SLC36A2: variants seen among roughly 807,000 people sequenced by gnomAD.
SLC36A2 encodes the protein solute carrier family 36 member 2.
A neutral mutation model predicts 42.7 loss-of-function variants in SLC36A2; 39 were observed. The ratio of observed to expected loss-of-function variants is 0.91; its 90% CI spans 0.71 to 1.19. The LOEUF (loss-of-function observed/expected upper bound fraction) is 1.19, where lower values mean the gene tolerates loss of function less well. Among genes scored for constraint, SLC36A2 ranks in the 50% most tolerant of loss-of-function variants. The pLI is 0.00. For missense variants in SLC36A2, 590 were observed against 613.7 expected (o/e 0.96, Z 0.41); for synonymous variants, 237 against 240.8 (o/e 0.98, Z 0.15).
rs1447857130 is a variant in SLC36A2 at position 151,335,309 on chromosome 5, G to T, written c.744+20C>A. On this transcript the variant is annotated intron_variant, in intron 6 of 9. Transcript: ENST00000335244. Reference sequence around the variant, plus strand: ...AAAACCCTGCCCAGTGGAGTGGGCAGGTGCATGGTGTGCACTCACCTGGGT... The same window carrying T: ...AAAACCCTGCCCAGTGGAGTGGGCATGTGCATGGTGTGCACTCACCTGGGT... The T allele has an allele frequency of 6.3e-7, 1 of 1,589,430 alleles. No individual in the cohort carries two copies. The highest frequency in any genetic ancestry group is 1.7e-5 in the Admixed American group (1 of 57,428).
Position 151,316,890 on chromosome 5 carries a change from T to G in SLC36A2, c.1379A>C (p.Tyr460Ser), listed in dbSNP as rs745630698. The change falls in exon 10 of 10, where the codon TAC becomes TCC. Residue 460 changes from tyrosine (Y) to serine (S), a missense_variant. Physicochemically the swap from Tyr to Ser is moderately radical, Grantham distance 144. Coordinates refer to ENST00000335244, the MANE Select transcript of SLC36A2 (RefSeq NM_181776.3). ...LGFVGFVVGT[Y>S]QALDELLKSE... ...CTTGAGCAGCTCGTCCAGGGCCTGG[T>G]AGGTCCCCACCACAAAGCCCACGAA... is the stretch of plus-strand genomic sequence containing the variant. The G allele has an allele frequency of 6.2e-6, 10 of 1,613,798 alleles. No homozygotes were observed. The highest frequency in any genetic ancestry group is 6.8e-6 in the Non-Finnish European group (8 of 1,179,986).
chr5:151,330,104 T>C (rs527691283), intron 7 of SLC36A2, among the ~76,000 whole-genome samples: 5 of 152,176 alleles, frequency 3.3e-5, no homozygotes, highest in African/African-American at 1.2e-4. Context: ...GCATTCAGGT[T>C]ATTGGGATCT....
chr5:151,322,310 G>A, intron 8 of SLC36A2, 95 bp from the exon 9 acceptor site: 1 of 1,450,576 alleles, frequency 6.9e-7, no homozygotes, highest in Admixed American at 1.9e-5. Flanking sequence ...ACAATGACTT[G>A]GGCTTTTGTT....
At position 151,336,868 on chromosome 5, in the gene SLC36A2, T is replaced by G. The variant is rs373877422; in HGVS notation, c.526-1321A>C. Reference sequence around the variant, plus strand: ...CAGGAGGAAAACACAAATGCATTGATAATCTCAGTATCAAGATGCTAACAT... The same window carrying G: ...CAGGAGGAAAACACAAATGCATTGAGAATCTCAGTATCAAGATGCTAACAT... On this transcript the variant is annotated intron_variant, in intron 5 of 9. Coordinates refer to ENST00000335244, the MANE Select transcript of SLC36A2 (RefSeq NM_181776.3). Among the ~76,000 whole-genome samples the G allele has an allele frequency of 7.2e-5, 11 of 152,204 alleles. No homozygotes were observed. In the East Asian group the frequency reaches 1.7e-3, roughly 24 times the overall value.
intron 3 of SLC36A2, 43 bp from the exon 4 acceptor site, chr5:151,343,026 G>A (rs1234146036): frequency 2.0e-6 from 3 of 1,509,084 alleles, no homozygotes; most frequent in South Asian, 2.3e-5. Flanking sequence ...AGATAGTTTA[G>A]CCTAAACTCA....
At chr5:151,345,548 C>T (rs1259041163) in intron 1 of SLC36A2, among the ~76,000 whole-genome samples, 2 of 152,128 alleles carry the variant, frequency 1.3e-5, no homozygotes, top group East Asian at 1.9e-4. Flanking sequence ...AGAGAACAAT[C>T]GAGGGAGAAA....
At chr5:151,322,522 T>TA (rs1755724138) in intron 8 of SLC36A2, among the ~76,000 whole-genome samples, 1 of 152,176 alleles carries the variant, frequency 6.6e-6, no homozygotes, top group African/African-American at 2.4e-5. Context: ...TCTTATGTTT[T>TA]AAAAAAGAGA....
At position 151,347,277 on chromosome 5, in the gene SLC36A2, T is replaced by C. The variant is rs1756523232; in HGVS notation, c.164+20A>G. 4.3e-6 allele frequency: 7 copies of C among 1,614,094 alleles called. No individual in the cohort carries two copies. Among genetic ancestry groups the C allele is most frequent in the Non-Finnish European group, 5.9e-6 (7 of 1,179,920 alleles). ...TCAGGCTAGAAAGCAGAAATAGGGA[T>C]GGCAGAAAACAGCACTCACGTTATG... On this transcript the variant is annotated intron_variant, in intron 1 of 9. Transcript: ENST00000335244.
chr5:151,318,433 T>C (rs1410969451), intron 9 of SLC36A2, among the ~76,000 whole-genome samples: 1 of 146,200 alleles, frequency 6.8e-6, no homozygotes, highest in Non-Finnish European at 1.5e-5. Context: ...ATAATATAAA[T>C]AAATAATACA....
intron 7 of SLC36A2, 139 bp downstream of exon 7, chr5:151,333,085 A>C: frequency 1.3e-6 from 1 of 758,462 alleles, no homozygotes; most frequent in Non-Finnish European, 2.3e-6. Flanking sequence ...GTAAGGCCAG[A>C]GGTTACTTTC....
chr5:151,323,254 G>GATAGATAA (rs112317176), intron 8 of SLC36A2, among the ~76,000 whole-genome samples: 78 of 141,478 alleles, frequency 5.5e-4, no homozygotes, highest in East Asian at 8.0e-4. Flanking sequence ...TAGATAGATA[G>GATAGATAA]ATAAATAAAT....
intron 7 of SLC36A2, among the ~76,000 whole-genome samples, chr5:151,330,072 T>C (rs1245077102): frequency 6.6e-6 from 1 of 152,094 alleles, no homozygotes; most frequent in African/African-American, 2.4e-5. Context: ...TGCTAAGCGA[T>C]GACTATATAT....
At chr5:151,346,026 C>G (rs999312509) in intron 1 of SLC36A2, among the ~76,000 whole-genome samples, 3 of 152,222 alleles carry the variant, frequency 2.0e-5, no homozygotes, top group African/African-American at 7.2e-5. Flanking sequence ...CCAACCCCAT[C>G]GTTGCCACGC....
intron 7 of SLC36A2, 117 bp downstream of exon 7, chr5:151,333,107 T>A: frequency 1.1e-6 from 1 of 951,462 alleles, no homozygotes; most frequent in Non-Finnish European, 1.7e-6. Context: ...CCCATGGGCA[T>A]TTTCTAGCAG....
At chr5:151,336,089 G>C (rs1756148509) in intron 5 of SLC36A2, among the ~76,000 whole-genome samples, 1 of 152,084 alleles carries the variant, frequency 6.6e-6, no homozygotes, top group East Asian at 1.9e-4. Context: ...CTATTTGTTA[G>C]CTTTTAGCAA....
At chr5:151,335,136 A>C (rs1263659405) in intron 6 of SLC36A2, among the ~76,000 whole-genome samples, 193 bp downstream of exon 6, 2 of 152,224 alleles carry the variant, frequency 1.3e-5, no homozygotes, top group Non-Finnish European at 2.9e-5. Flanking sequence ...GAGAAAGAAC[A>C]TGAACAAGGA....
chr5:151,331,177 A>G (rs1312760183), intron 7 of SLC36A2, among the ~76,000 whole-genome samples: 2 of 152,248 alleles, frequency 1.3e-5, no homozygotes, highest in Non-Finnish European at 2.9e-5. Flanking sequence ...CATACCACAT[A>G]CAAAAATTAA....
chr5:151,343,402 T>C (rs1580865909), intron 3 of SLC36A2, 108 bp downstream of exon 3: 6 of 1,170,182 alleles, frequency 5.1e-6, no homozygotes, highest in Non-Finnish European at 6.4e-6. Flanking sequence ...TTCTTGGCCT[T>C]ATTGGAGAAA....
At chr5:151,340,111 G>C (rs1444267358) in intron 4 of SLC36A2, among the ~76,000 whole-genome samples, 1 of 133,012 alleles carries the variant, frequency 7.5e-6, no homozygotes, top group Admixed American at 6.7e-5. Context: ...GAAGGAGGAG[G>C]AAGAAGAGGA....
Sources: allele counts gnomAD v4.1 joint callset (sites outside exome capture counted in the v4.1 genomes callset), GRCh38; gene constraint gnomAD v4.1.1; transcripts MANE v1.5; gene names NCBI Gene and HGNC (gene_info 2026-07-23, HGNC 2026-07-21).